ZNF609: variants seen among roughly 807,000 people sequenced by gnomAD.
ZNF609 encodes the protein zinc finger protein 609.
ZNF609 carries 11 observed loss-of-function variants against 109.5 expected under a neutral mutation model. That is an observed-to-expected ratio of 0.10 (90% CI 0.06 to 0.17). The LOEUF (loss-of-function observed/expected upper bound fraction) is 0.17, where lower values mean the gene tolerates loss of function less well. Ranked by LOEUF, ZNF609 falls within the 10% of genes least tolerant of loss-of-function variation. ZNF609 has a pLI of 1.00. For synonymous variants in ZNF609, 646 were observed against 662.0 expected (o/e 0.98, Z 0.37); for missense variants, 1,559 against 1,772.4 (o/e 0.88, Z 2.16).
intron 2 of ZNF609, among the ~76,000 whole-genome samples, chr15:64,561,520 CATAATATTTTTCTT>C (rs1894679503): frequency 6.7e-6 from 1 of 150,042 alleles, no homozygotes; most frequent in Non-Finnish European, 1.5e-5. Flanking sequence ...ATTATTCTCT[CATAATATTTTTCTT>C]TCTTTTCTTT....
At chr15:64,521,164 C>G (rs1893885756) in intron 2 of ZNF609, among the ~76,000 whole-genome samples, 1 of 152,146 alleles carries the variant, frequency 6.6e-6, no homozygotes. Context: ...ACGTCCATGT[C>G]TTAAGAGGAG....
intron 2 of ZNF609, among the ~76,000 whole-genome samples, chr15:64,510,130 C>T: frequency 6.6e-6 from 1 of 151,526 alleles, no homozygotes; most frequent in Non-Finnish European, 1.5e-5. Context: ...GAGTACAGTA[C>T]AATATTTTGA....
At chr15:64,508,796 C>G (rs1450801982) in intron 2 of ZNF609, among the ~76,000 whole-genome samples, 1 of 150,824 alleles carries the variant, frequency 6.6e-6, no homozygotes, top group Non-Finnish European at 1.5e-5. Context: ...TCAAGTGATT[C>G]TCCTACCTCA....
intron 3 of ZNF609, among the ~76,000 whole-genome samples, chr15:64,653,637 C>T (rs1248865443): frequency 6.6e-6 from 1 of 151,970 alleles, no homozygotes; most frequent in East Asian, 1.9e-4. Flanking sequence ...CAGAGCTAGA[C>T]TCCGTCTCCA....
At chr15:64,614,293 C>T (rs1420100406) in intron 2 of ZNF609, among the ~76,000 whole-genome samples, 1 of 150,840 alleles carries the variant, frequency 6.6e-6, no homozygotes. Context: ...TGCAGTGGCG[C>T]GATCTTGGCT....
intron 3 of ZNF609, among the ~76,000 whole-genome samples, chr15:64,629,176 C>A (rs1896023980): frequency 6.6e-6 from 1 of 152,078 alleles, no homozygotes; most frequent in Admixed American, 6.6e-5. Context: ...ATCAGAAATT[C>A]CTGTTGAGAT....
chr15:64,475,421 T>C (rs1471254666), intron 1 of ZNF609, among the ~76,000 whole-genome samples: 4 of 123,950 alleles, frequency 3.2e-5, no homozygotes, highest in Non-Finnish European at 6.5e-5. Flanking sequence ...TGAGACGGAG[T>C]CTTACTCTGT....
At chr15:64,565,428 C>G (rs181696281) in intron 2 of ZNF609, among the ~76,000 whole-genome samples, 29 of 152,040 alleles carry the variant, frequency 1.9e-4, no homozygotes, top group Admixed American at 1.8e-3. Context: ...TTTTGCTTGT[C>G]TTTAAGTGCT....
Position 64,558,659 on chromosome 15 carries a change from A to T in ZNF609, c.747+58493A>T, listed in dbSNP as rs182796882. Among the ~76,000 whole-genome samples the T allele has an allele frequency of 1.2e-3, 180 of 152,296 alleles. 3 individuals are homozygous for T. Among genetic ancestry groups the T allele is most frequent in the Non-Finnish European group, 4.0e-4 (27 of 68,026 alleles). On this transcript the variant is annotated intron_variant, in intron 2 of 9. Coordinates refer to ENST00000326648, the MANE Select transcript of ZNF609 (RefSeq NM_015042.2). ...GTCATAGCCTAATTGTTTCATTGCC[A>T]CAAGTTCTTTTTCTGCTTCCATCAC...
intron 1 of ZNF609, among the ~76,000 whole-genome samples, chr15:64,488,209 A>C (rs1893358964): frequency 1.3e-5 from 2 of 151,868 alleles, no homozygotes; most frequent in Admixed American, 6.6e-5. Context: ...AGGAATCCAC[A>C]CTCTGATCTA....
Position 64,680,326 on chromosome 15 carries a change from A to C in ZNF609, c.3911A>C (p.Gln1304Pro). 1.2e-6 allele frequency: 2 copies of C among 1,614,226 alleles called. No homozygotes were observed. Among genetic ancestry groups the C allele is most frequent in the Non-Finnish European group, 1.7e-6 (2 of 1,180,032 alleles). Residue 1304 changes from glutamine to proline, a missense_variant, in exon 7 of 10, where the codon CAG (glutamine) becomes CCG (proline). Coordinates refer to ENST00000326648, the MANE Select transcript of ZNF609 (RefSeq NM_015042.2). ...SESKALDILQQHASHYKSKSP... is the reference protein window; with the variant it reads ...SESKALDILQPHASHYKSKSP... ...TCCAAAGCCCTGGACATCTTGCAGC[A>C]GCATGCCAGTCACTACAAGAGCAAG...
At chr15:64,618,398 GC>G (rs1895832024) in intron 2 of ZNF609, among the ~76,000 whole-genome samples, 1 of 152,138 alleles carries the variant, frequency 6.6e-6, no homozygotes, top group Non-Finnish European at 1.5e-5. Context: ...TACATCTGAA[GC>G]CCCAGTGGGT....
intron 2 of ZNF609, among the ~76,000 whole-genome samples, chr15:64,572,305 G>T (rs570668498): frequency 1.3e-5 from 2 of 152,302 alleles, no homozygotes; most frequent in East Asian, 1.9e-4. Flanking sequence ...AGACCAGCCT[G>T]GGCCCCATTG....
intron 2 of ZNF609, among the ~76,000 whole-genome samples, chr15:64,560,025 A>C (rs913605111): frequency 6.6e-6 from 1 of 152,170 alleles, no homozygotes; most frequent in Admixed American, 6.5e-5. Context: ...GAGTAATTAC[A>C]TACTTACCAC....
At position 64,683,682 on chromosome 15, in the gene ZNF609, G is replaced by T. The variant is rs1220961346; in HGVS notation, c.*1996G>T. The T allele has an allele frequency of 1.3e-5, 2 of 152,238 alleles. No individual in the cohort carries two copies. The highest frequency in any genetic ancestry group is 6.5e-5 in the Admixed American group (1 of 15,286). 9.4% of individuals were successfully genotyped at this position (152,238 alleles called of 1,614,324 possible). A position where few individuals can be genotyped will look rare whatever the true frequency, so the allele number is the denominator to read the frequency against. On this transcript the variant is annotated 3_prime_UTR_variant, in exon 10 of 10. Coordinates refer to ENST00000326648, the MANE Select transcript of ZNF609 (RefSeq NM_015042.2). Reference sequence around the variant, plus strand: ...CACCTGAGTCACCCCAACCAAGAGGGTGACTGAATTTCAGCCTGATTATGC... The same window carrying T: ...CACCTGAGTCACCCCAACCAAGAGGTTGACTGAATTTCAGCCTGATTATGC...
chr15:64,559,391 A>G (rs945536116), intron 2 of ZNF609, among the ~76,000 whole-genome samples: 7 of 152,216 alleles, frequency 4.6e-5, no homozygotes, highest in African/African-American at 1.7e-4. Context: ...GATGGCAGCA[A>G]CCAAGGGGAA....
chr15:64,499,871 G>T lies in ZNF609; in HGVS notation c.452G>T (p.Arg151Leu). 3 of 1,614,008 alleles carry T rather than the reference G, an allele frequency of 1.9e-6. No individual in the cohort carries two copies. In the South Asian group the frequency reaches 3.3e-5, roughly 18 times the overall value. Residue 151 changes from arginine to leucine, a missense_variant, in exon 2 of 10, where the codon CGC (arginine) becomes CTC (leucine). By Grantham distance (102) the Arg-to-Leu change is moderately radical (BLOSUM62 -2). This residue lies in a region of ZNF609 where 291 missense variants were observed against 317.8 expected (regional missense o/e 0.92). Transcript: ENST00000326648. ...KGSEKAAKASRSVAGSKKEKE... is the reference protein window; with the variant it reads ...KGSEKAAKASLSVAGSKKEKE... ...TCAGAGAAGGCGGCTAAGGCATCCCGCAGTGTAGCCGGTTCCAAAAAGGAG... is the reference window on the plus strand; with the variant it reads ...TCAGAGAAGGCGGCTAAGGCATCCCTCAGTGTAGCCGGTTCCAAAAAGGAG...
rs71133451 is a variant in ZNF609 at position 64,588,442 on chromosome 15, A to AAAAAAAAAAAAAAAACAAAG, written c.748-34383_748-34382insAAAAAAAAAAAAACAAAGAA. Among the ~76,000 whole-genome samples the AAAAAAAAAAAAAAAACAAAG allele has an allele frequency of 2.7e-5, 2 of 75,272 alleles. 1 individual carries two copies. The highest frequency in any genetic ancestry group is 4.7e-5 in the Non-Finnish European group (2 of 42,972). The allele number at this position is 75,272 out of a possible 152,430, so 49.4% of individuals were successfully genotyped here. On this transcript the variant is annotated intron_variant, in intron 2 of 9. Coordinates refer to ENST00000326648, the MANE Select transcript of ZNF609 (RefSeq NM_015042.2). ...CACTCTGTCTAAAAAAAAAAAAAAA[A>AAAAAAAAAAAAAAAACAAAG]AAGAAGAGGAAGACTGTACAGACTA...
At chr15:64,575,015 G>T (rs1244744632) in intron 2 of ZNF609, among the ~76,000 whole-genome samples, 1 of 152,110 alleles carries the variant, frequency 6.6e-6, no homozygotes, top group Non-Finnish European at 1.5e-5. Context: ...TCATTAATGG[G>T]GCTTGTATGT....
Sources: allele counts gnomAD v4.1 joint callset (sites outside exome capture counted in the v4.1 genomes callset), GRCh38; gene constraint gnomAD v4.1.1; regional missense constraint gnomAD v4.1.1; transcripts MANE v1.5; gene names NCBI Gene and HGNC (gene_info 2026-07-23, HGNC 2026-07-21).